Variants in SV2C observed in about 807,000 individuals in gnomAD.
The protein encoded by SV2C is synaptic vesicle glycoprotein 2C, also known as solute carrier family 22 member B3.
In SV2C, 49 loss-of-function variants were observed where a neutral mutation model predicts 79.7. The observed-to-expected ratio is 0.61, with a 90% confidence interval of 0.49 to 0.78. SV2C has a LOEUF of 0.78. SV2C is among the 30% of genes least tolerant of loss of function. The pLI, the probability that SV2C is intolerant of heterozygous loss-of-function variation, is 0.00. For synonymous variants in SV2C, 334 were observed against 333.2 expected, an observed-to-expected ratio of 1.00 and a Z score of -0.03; for missense variants, 833 against 912.9, an observed-to-expected ratio of 0.91 and a Z score of 1.13.
chr5:75,972,568 A>G, the SV2C span, among the ~76,000 whole-genome samples: 3 of 152,184 alleles, frequency 2.0e-5, no homozygotes, highest in Non-Finnish European at 2.9e-5. Context: ...CAAAAAACAC[A>G]TGAAAAAATG....
At chr5:76,305,078 G>C (rs541973694) in intron 12 of SV2C, among the ~76,000 whole-genome samples, 1 of 152,074 alleles carries the variant, frequency 6.6e-6, no homozygotes. Context: ...TCAAGGGGAG[G>C]TGCCACACAC....
At chr5:76,204,294 A>G (rs984431157) in intron 3 of SV2C, among the ~76,000 whole-genome samples, 5 of 152,146 alleles carry the variant, frequency 3.3e-5, no homozygotes, top group Non-Finnish European at 2.9e-5. Flanking sequence ...TTTTCATGCA[A>G]GTTATTTGTA....
At chr5:76,320,172 A>G (rs965157160) in intron 12 of SV2C, among the ~76,000 whole-genome samples, 10 of 131,068 alleles carry the variant, frequency 7.6e-5, no homozygotes, top group Non-Finnish European at 1.6e-4. Context: ...TTTTTTTTTT[A>G]AGTGAAAGAA....
chr5:75,982,236 AAG>A, the SV2C span, among the ~76,000 whole-genome samples: 1 of 141,084 alleles, frequency 7.1e-6, no homozygotes, highest in African/African-American at 3.0e-5. Context: ...AAAAAATAAA[AAG>A]AAAAAAAAAA....
intron 2 of SV2C, among the ~76,000 whole-genome samples, chr5:76,182,153 C>A (rs1743753824): frequency 6.6e-6 from 1 of 151,904 alleles, no homozygotes; most frequent in African/African-American, 2.4e-5. Context: ...CTGTATTGAC[C>A]ACTGCTTTAT....
At chr5:75,978,565 T>C in the SV2C span, among the ~76,000 whole-genome samples, 1 of 152,132 alleles carries the variant, frequency 6.6e-6, no homozygotes, top group South Asian at 2.1e-4. Context: ...TAGGAAGGGG[T>C]AATGAAGTAG....
In SV2C at chr5:76,084,704, C is replaced by T. The variant is rs942432777; in HGVS notation, c.-102+1192C>T. ...ACCCGCGAGGGGCGGGCGGGGGTGG[C>T]GGGCGGGGGCAGGCGACGGAGTCTC... is the stretch of plus-strand genomic sequence containing the variant. On this transcript the variant is annotated intron_variant, in intron 1 of 12. Coordinates refer to ENST00000502798, the MANE Select transcript of SV2C (RefSeq NM_014979.4). Among the ~76,000 whole-genome samples the T allele has an allele frequency of 4.0e-3, 11 of 2,736 alleles. No individual in the cohort carries two copies. In the East Asian group the frequency reaches 0.064, roughly 16 times the overall value. 1.8% of individuals were successfully genotyped at this position (2,736 alleles called of 152,430 possible). A position where few individuals can be genotyped will look rare whatever the true frequency, so the allele number is the denominator to read the frequency against.
At chr5:76,258,252 G>A (rs115130042) in intron 4 of SV2C, among the ~76,000 whole-genome samples, 2 of 151,926 alleles carry the variant, frequency 1.3e-5, no homozygotes, top group Non-Finnish European at 2.9e-5. Context: ...ACTGCTGCCC[G>A]GCCCTTTGGA....
At position 76,326,431 on chromosome 5, in the gene SV2C, AC is replaced by A. The variant is rs1748999178; in HGVS notation, c.*887del. 6.6e-6 allele frequency: 1 copy of A among 152,188 alleles called. No homozygotes were observed. The highest frequency in any genetic ancestry group is 1.5e-5 in the Non-Finnish European group (1 of 68,034). The allele number at this position is 152,188 out of a possible 1,614,324, so 9.4% of individuals were successfully genotyped here. ...GTCTGCCTACCTGATTCTGCCACTT[AC>A]CCACACTGTCTCTAGTCTAGAGATT... On this transcript the variant is annotated 3_prime_UTR_variant, in exon 13 of 13. Transcript: ENST00000502798.
At chr5:76,033,344 T>A in the SV2C span, among the ~76,000 whole-genome samples, 5 of 152,306 alleles carry the variant, frequency 3.3e-5, no homozygotes, top group East Asian at 1.9e-4. Context: ...CTGAATGGTA[T>A]TGCCTAGGTT....
chr5:76,037,878 G>A, the SV2C span, among the ~76,000 whole-genome samples: 1 of 152,208 alleles, frequency 6.6e-6, no homozygotes, highest in Non-Finnish European at 1.5e-5. Context: ...TGACTGCTGT[G>A]CTAGCAATCA....
At chr5:76,019,279 C>A in the SV2C span, among the ~76,000 whole-genome samples, 3 of 152,112 alleles carry the variant, frequency 2.0e-5, no homozygotes, top group East Asian at 3.9e-4. Context: ...ATTTGCTGAC[C>A]ATTTGGTGAC....
At chr5:75,967,555 C>A in the SV2C span, among the ~76,000 whole-genome samples, 2 of 152,316 alleles carry the variant, frequency 1.3e-5, no homozygotes, top group African/African-American at 4.8e-5. Context: ...GTCCTATGCC[C>A]ACAGAGCCTC....
At chr5:76,039,258 T>C in the SV2C span, among the ~76,000 whole-genome samples, 134 of 152,334 alleles carry the variant, frequency 8.8e-4, no homozygotes, top group Middle Eastern at 3.4e-3. Flanking sequence ...GACATTTTGC[T>C]GTCCAGTCTT....
chr5:76,178,629 A>G (rs1446067695), intron 2 of SV2C, among the ~76,000 whole-genome samples: 1 of 152,256 alleles, frequency 6.6e-6, no homozygotes, highest in Non-Finnish European at 1.5e-5. Flanking sequence ...TCACATTAAA[A>G]TAATAGGAAG....
the SV2C span, among the ~76,000 whole-genome samples, chr5:75,996,368 G>A: frequency 5.9e-5 from 9 of 152,192 alleles, no homozygotes; most frequent in African/African-American, 1.7e-4. Context: ...CCAGTACCAT[G>A]CTGTTTTGGT....
the SV2C span, among the ~76,000 whole-genome samples, chr5:75,939,447 G>A: frequency 4.6e-5 from 7 of 152,028 alleles, no homozygotes; most frequent in Non-Finnish European, 8.8e-5. Context: ...CCCATCCTTA[G>A]GACCTAATCT....
At chr5:76,207,228 G>A in intron 3 of SV2C, among the ~76,000 whole-genome samples, 1 of 151,938 alleles carries the variant, frequency 6.6e-6, no homozygotes, top group East Asian at 1.9e-4. Context: ...TGGTCCAGAG[G>A]GTCTGGCATA....
rs1748845511 is a variant in SV2C at position 76,322,033 on chromosome 5, T to C, written c.2001-3331T>C. Among the ~76,000 whole-genome samples, 3 of 152,296 alleles carry C rather than the reference T, an allele frequency of 2.0e-5. No homozygotes were observed. In the South Asian group the frequency reaches 6.2e-4, roughly 32 times the overall value. On this transcript the variant is annotated intron_variant, in intron 12 of 12. Transcript: ENST00000502798. ...CTGCTACCAAAAATAATTGGCAAGA[T>C]AGCAGAGTATTTCACCTCCATAGTA...
Sources: allele counts gnomAD v4.1 joint callset (sites outside exome capture counted in the v4.1 genomes callset), GRCh38; gene constraint gnomAD v4.1.1; transcripts MANE v1.5; gene names NCBI Gene and HGNC (gene_info 2026-07-23, HGNC 2026-07-21).